Variants in PAF1 observed in about 807,000 individuals in gnomAD.
PAF1 encodes RNA polymerase II-associated factor 1 homolog.
A neutral mutation model predicts 68.4 loss-of-function variants in PAF1; 31 were observed. That is an observed-to-expected ratio of 0.45 (90% CI 0.34 to 0.61). PAF1 has a LOEUF of 0.61. Among genes scored for constraint, PAF1 ranks in the 20% least tolerant of loss-of-function variants. The pLI is 0.01. For missense variants in PAF1, 435 were observed against 692.9 expected (o/e 0.63, Z 4.18); for synonymous variants, 256 against 240.5 (o/e 1.06, Z -0.60).
In PAF1 at chr19:39,388,875, T is replaced by C; in HGVS notation, c.637-10A>G. On this transcript the variant is annotated splice_polypyrimidine_tract_variant and intron_variant, in intron 8 of 13. Transcript: ENST00000221265. ...ATGGATTGATCCACATCTAGGGAGATGGAGGCACTGGGGTTAGATGGGAAC... is the reference window on the plus strand; with the variant it reads ...ATGGATTGATCCACATCTAGGGAGACGGAGGCACTGGGGTTAGATGGGAAC... 2 of 1,613,158 alleles carry C rather than the reference T, an allele frequency of 1.2e-6. No individual in the cohort carries two copies. Among genetic ancestry groups the C allele is most frequent in the South Asian group, 1.1e-5 (1 of 91,064 alleles).
chr19:39,385,748 C>CTCTG lies in PAF1; in HGVS notation c.*239_*242dup. On this transcript the variant is annotated 3_prime_UTR_variant, in exon 14 of 14. Transcript: ENST00000221265. ...TTTTGTGGGAAACCATTGGCCCTGCCTCTGGCCTGTGTTTCTAAGCCTCAA... is the reference window on the plus strand; with the variant it reads ...TTTTGTGGGAAACCATTGGCCCTGCCTCTGTCTGGCCTGTGTTTCTAAGCCTCAA... The CTCTG allele has an allele frequency of 1.7e-6, 1 of 598,210 alleles. No homozygotes were observed. Among genetic ancestry groups the CTCTG allele is most frequent in the East Asian group, 2.8e-5 (1 of 35,818 alleles). 37.1% of individuals were successfully genotyped at this position (598,210 alleles called of 1,614,324 possible).
In PAF1 at chr19:39,390,940, G is replaced by T; in HGVS notation, c.-76C>A. The T allele has an allele frequency of 7.0e-7, 1 of 1,424,738 alleles. No individual in the cohort carries two copies. The allele number at this position is 1,424,738 out of a possible 1,614,324, so 88.3% of individuals were successfully genotyped here. A position where few individuals can be genotyped will look rare whatever the true frequency, so the allele number is the denominator to read the frequency against. ...GACGCAGAGGGGCGTGCCGACTTCA[G>T]GGGACGCCTGATCCGAGGAAGGCCC... is the stretch of plus-strand genomic sequence containing the variant. On this transcript the variant is annotated 5_prime_UTR_variant, in exon 1 of 14. The change creates a new upstream start codon in the 5' untranslated region. Coordinates refer to ENST00000221265, the MANE Select transcript of PAF1 (RefSeq NM_019088.4).
rs2078367040 is a variant in PAF1, at chr19:39,390,940, G to A, written c.-76C>T. ...GACGCAGAGGGGCGTGCCGACTTCA[G>A]GGGACGCCTGATCCGAGGAAGGCCC... On this transcript the variant is annotated 5_prime_UTR_variant, in exon 1 of 14. Coordinates refer to ENST00000221265, the MANE Select transcript of PAF1 (RefSeq NM_019088.4). 1 of 1,424,738 alleles carries A rather than the reference G, an allele frequency of 7.0e-7. No homozygotes were observed. The highest frequency in any genetic ancestry group is 2.5e-5 in the East Asian group (1 of 40,306). 88.3% of individuals were successfully genotyped at this position (1,424,738 alleles called of 1,614,324 possible).
intron 11 of PAF1, 109 bp downstream of exon 11, chr19:39,388,230 T>G (rs993667276): frequency 1.9e-6 from 2 of 1,034,672 alleles, no homozygotes; most frequent in Admixed American, 1.9e-5. Flanking sequence ...TGTTTACCAA[T>G]GCATATGACA....
chr19:39,390,087 T>C lies in PAF1; in HGVS notation c.152A>G (p.Tyr51Cys). 1 of 1,612,970 alleles carries C rather than the reference T, an allele frequency of 6.2e-7. No individual in the cohort carries two copies. Among genetic ancestry groups the C allele is most frequent in the Non-Finnish European group, 8.5e-7 (1 of 1,179,322 alleles). The part of the protein sequence containing the change: ...DIPFDPKFIT[Y>C]PFDQNRFVQY... ...GTCTCACCTGTTCTGGTCGAAGGGG[T>C]AGGTGATGAACTTGGGGTCGAAGGG... Residue 51 changes from tyrosine to cysteine, a missense_variant, in exon 3 of 14, where the codon TAC becomes TGC. Physicochemically the swap from Tyr to Cys is radical, Grantham distance 194. This residue lies in a region of PAF1 where 77 missense variants were observed against 118.2 expected (regional missense o/e 0.65). Coordinates refer to ENST00000221265, the MANE Select transcript of PAF1 (RefSeq NM_019088.4).
rs771799749 is a variant in PAF1, at chr19:39,389,584, G to C, written c.293-38C>G. The C allele has an allele frequency of 6.2e-7, 1 of 1,614,124 alleles. No individual in the cohort carries two copies. The highest frequency in any genetic ancestry group is 8.5e-7 in the Non-Finnish European group (1 of 1,179,976). On this transcript the variant is annotated intron_variant, in intron 4 of 13. Transcript: ENST00000221265. The surrounding 1 kb of genome is among the most constrained non-coding windows in gnomAD (Gnocchi z 5.3). ...GGGGGGCAGGAGGACCATGAGGGAG[G>C]CCCAGGCCTGAGCCTTTGCTGACCT...
chr19:39,385,892 T>G lies in PAF1; in HGVS notation c.*99A>C. ...TTTATTAACAGCAAAGGTTTGGGGG[T>G]GGGGAACAAACAAGTGAAAGGCTCA... is the stretch of plus-strand genomic sequence containing the variant. On this transcript the variant is annotated 3_prime_UTR_variant, in exon 14 of 14. Coordinates refer to ENST00000221265, the MANE Select transcript of PAF1 (RefSeq NM_019088.4). 1 of 1,517,542 alleles carries G rather than the reference T, an allele frequency of 6.6e-7. No homozygotes were observed. The highest frequency in any genetic ancestry group is 8.8e-7 in the Non-Finnish European group (1 of 1,132,236). The allele number at this position is 1,517,542 out of a possible 1,614,324, so 94.0% of individuals were successfully genotyped here.
chr19:39,386,143 A>AATC lies in PAF1; in HGVS notation c.1441_1443dup (p.Asp481dup), dbSNP rs1196734854. 1.2e-6 allele frequency: 2 copies of AATC among 1,614,098 alleles called. No individual in the cohort carries two copies. The highest frequency in any genetic ancestry group is 4.5e-5 in the East Asian group (2 of 44,874). ...CCACCCCCATTGCTGCCGCTGTCTGAATCATTGTCACTGCCACCTTGGGCC... is the reference window on the plus strand; with the variant it reads ...CCACCCCCATTGCTGCCGCTGTCTGAATCATCATTGTCACTGCCACCTTGGGCC... On this transcript the variant is annotated inframe_insertion, in exon 14 of 14. Transcript: ENST00000221265. This position sits in a 1 kb window ranked among gnomAD's most constrained non-coding sequence, Gnocchi z 6.1.
Position 39,389,991 on chromosome 19 carries a change from G to A in PAF1, c.170+78C>T, listed in dbSNP as rs2078338874. ...TAGGTACTGTGCTAGGCCCTGAGCA[G>A]ACAGCAGCCAACGAGACAAGCAGTC... On this transcript the variant is annotated intron_variant, in intron 3 of 13. Coordinates refer to ENST00000221265, the MANE Select transcript of PAF1 (RefSeq NM_019088.4). The surrounding 1 kb of genome is among the most constrained non-coding windows in gnomAD (Gnocchi z 5.3). The A allele has an allele frequency of 8.1e-7, 1 of 1,232,344 alleles. No individual in the cohort carries two copies. The highest frequency in any genetic ancestry group is 1.7e-5 in the Admixed American group (1 of 58,606). The allele number at this position is 1,232,344 out of a possible 1,614,324, so 76.3% of individuals were successfully genotyped here. A position where few individuals can be genotyped will look rare whatever the true frequency, so the allele number is the denominator to read the frequency against.
chr19:39,390,908 G>A lies in PAF1; in HGVS notation c.-44C>T, dbSNP rs370630278. 23 of 1,550,014 alleles carry A rather than the reference G, an allele frequency of 1.5e-5. No homozygotes were observed. The Admixed American group carries it at 1.7e-4, about 12-fold the overall frequency. ...GCCCGGACGGGGTCCTAGCGGGACC[G>A]AAGGGGGACGCAGAGGGGCGTGCCG... On this transcript the variant is annotated 5_prime_UTR_variant, in exon 1 of 14. Transcript: ENST00000221265.
Position 39,389,824 on chromosome 19 carries a change from C to T in PAF1, c.171-63G>A. ...AGCTTCACCCCTCACAGCCCTGCTT[C>T]CCAGAGGCGGAGCTTCTCTGGGGAG... On this transcript the variant is annotated intron_variant, in intron 3 of 13. Transcript: ENST00000221265. This position sits in a 1 kb window ranked among gnomAD's most constrained non-coding sequence, Gnocchi z 5.3. 2 of 1,607,350 alleles carry T rather than the reference C, an allele frequency of 1.2e-6. No homozygotes were observed.
At chr19:39,390,346 GA>G in intron 1 of PAF1, 57 bp from the exon 2 acceptor site, 6 of 1,526,108 alleles carry the variant, frequency 3.9e-6, no homozygotes, top group Non-Finnish European at 5.4e-6. Context: ...ACAGGAGAAT[GA>G]AAAAGGCTTC....
At chr19:39,390,690 A>G in intron 1 of PAF1, 128 bp downstream of exon 1, 2 of 999,020 alleles carry the variant, frequency 2.0e-6, no homozygotes, top group South Asian at 1.5e-5. Context: ...CTCAGAAGGA[A>G]CCCGCCCCCT....
rs770923499 is a variant in PAF1, at chr19:39,389,877, CAG to C, written c.171-118_171-117del. On this transcript the variant is annotated intron_variant, in intron 3 of 13. Transcript: ENST00000221265. This position sits in a 1 kb window ranked among gnomAD's most constrained non-coding sequence, Gnocchi z 5.3. ...ACTCAGAATGAAGTGTCCCCCATGG[CAG>C]AGTCTGAAAGCTGGCTCCCCAGTGG... is the stretch of plus-strand genomic sequence containing the variant. The C allele has an allele frequency of 1.3e-5, 19 of 1,430,870 alleles. No homozygotes were observed. Among genetic ancestry groups the C allele is most frequent in the Non-Finnish European group, 1.9e-5 (19 of 1,021,266 alleles). 88.6% of individuals were successfully genotyped at this position (1,430,870 alleles called of 1,614,324 possible). A position where few individuals can be genotyped will look rare whatever the true frequency, so the allele number is the denominator to read the frequency against.
At chr19:39,387,482 G>A (rs34023248) in intron 11 of PAF1, among the ~76,000 whole-genome samples, 295 of 152,278 alleles carry the variant, frequency 1.9e-3, no homozygotes, top group Non-Finnish European at 3.1e-3. Flanking sequence ...GGCTGGAAGT[G>A]AATAGTGCCC....
At position 39,390,813 on chromosome 19, in the gene PAF1, C is replaced by A. The variant is rs1157402345; in HGVS notation, c.47+5G>T. The A allele has an allele frequency of 1.3e-6, 2 of 1,580,510 alleles. No homozygotes were observed. The highest frequency in any genetic ancestry group is 8.6e-7 in the Non-Finnish European group (1 of 1,162,770). On this transcript the variant is annotated splice_donor_5th_base_variant and intron_variant, in intron 1 of 13. Transcript: ENST00000221265. The stretch of plus-strand genomic sequence containing the variant: ...CTTGCTGCAACAGAAAAGCGTGGCG[C>A]CTACCTGTGGCCATCCTCCCGCTGG...
Position 39,391,001 on chromosome 19 carries a change from A to T in PAF1, c.-137T>A. 1 of 851,086 alleles carries T rather than the reference A, an allele frequency of 1.2e-6. No homozygotes were observed. The highest frequency in any genetic ancestry group is 1.8e-6 in the Non-Finnish European group (1 of 554,414). The allele number at this position is 851,086 out of a possible 1,614,324, so 52.7% of individuals were successfully genotyped here. A position where few individuals can be genotyped will look rare whatever the true frequency, so the allele number is the denominator to read the frequency against. On this transcript the variant is annotated 5_prime_UTR_variant, in exon 1 of 14. Transcript: ENST00000221265. ...CGCTCCCCGCGGAAAGTGGGTTGAG[A>T]TGAGGTGGGCGGGCGAGAAGAGCTC...
Position 39,388,717 on chromosome 19 carries a change from A to G in PAF1, c.741-41T>C, listed in dbSNP as rs755936910. 4.4e-6 allele frequency: 7 copies of G among 1,608,104 alleles called. No individual in the cohort carries two copies. The Admixed American group carries it at 8.3e-5, about 19-fold the overall frequency. ...GGAGTAGCAATGAAGTGTGAGGACA[A>G]GAGGCAGCAAGGAGCAGGCCAAGGT... On this transcript the variant is annotated intron_variant, in intron 9 of 13. Transcript: ENST00000221265.
chr19:39,388,232 C>T, intron 11 of PAF1, 107 bp downstream of exon 11: 1 of 1,059,062 alleles, frequency 9.4e-7, no homozygotes, highest in Non-Finnish European at 1.4e-6. Flanking sequence ...TTTACCAATG[C>T]ATATGACAAA....
Sources: gnomAD v4.1 joint callset for allele counts (sites outside exome capture counted in the v4.1 genomes callset) on GRCh38, gnomAD v4.1.1 for gene constraint, gnomAD v4.1.1 regional missense constraint, Gnocchi (gnomAD v3.1) non-coding constraint, MANE v1.5 for transcripts, NCBI Gene and HGNC (gene_info 2026-07-23, HGNC 2026-07-21) for gene names.